COX7A2: variants seen among roughly 807,000 people sequenced by gnomAD.
COX7A2 encodes the protein cytochrome c oxidase subunit 7A2.
Under a neutral mutation model 11.6 loss-of-function variants are expected in COX7A2, and 11 were observed. The observed-to-expected ratio is 0.95, with a 90% CI of 0.60 to 1.57. The LOEUF (loss-of-function observed/expected upper bound fraction) is 1.57. COX7A2 is among the 40% of genes most tolerant of loss of function. The pLI is 0.00. For synonymous variants in COX7A2, 30 were observed against 38.2 expected, an observed-to-expected ratio of 0.78 and a Z score of 0.79; for missense variants, 106 against 100.9, an observed-to-expected ratio of 1.05 and a Z score of -0.22.
At chr6:75,242,438 G>A (rs965548436) in intron 1 of COX7A2, among the ~76,000 whole-genome samples, 11 of 151,868 alleles carry the variant, frequency 7.2e-5, no homozygotes, top group African/African-American at 1.2e-4. Context: ...TCCAGGAGGC[G>A]GGGTTTGCAG....
At chr6:75,240,572 T>C (rs1771468631) in intron 2 of COX7A2, 187 bp from the exon 3 acceptor site, 1 of 475,418 alleles carries the variant, frequency 2.1e-6, no homozygotes, top group South Asian at 3.8e-5. Flanking sequence ...ACTTTTAAAA[T>C]AAGAATTCCT....
At chr6:75,242,310 G>A (rs966039744) in intron 1 of COX7A2, among the ~76,000 whole-genome samples, 18 of 151,870 alleles carry the variant, frequency 1.2e-4, no homozygotes, top group African/African-American at 4.4e-4. Context: ...TTCAAGACCC[G>A]GCCTAGCCAA....
chr6:75,248,034 C>T (rs1400392283), upstream of COX7A2, among the ~76,000 whole-genome samples: 1 of 151,784 alleles, frequency 6.6e-6, no homozygotes, highest in East Asian at 1.9e-4. Context: ...CTGCAGTCCG[C>T]TGAGAGTTTC....
chr6:75,244,365 A>G (rs567048859), upstream of COX7A2, among the ~76,000 whole-genome samples: 6 of 152,172 alleles, frequency 3.9e-5, no homozygotes, highest in Non-Finnish European at 8.8e-5. Flanking sequence ...CCAAGCAAGA[A>G]GTTCTTCCAC....
At chr6:75,245,947 T>G (rs1367360502), upstream of COX7A2, among the ~76,000 whole-genome samples, 1 of 152,234 alleles carries the variant, frequency 6.6e-6, no homozygotes. Flanking sequence ...ATAGTACTCC[T>G]TCGGTGGTTC....
At chr6:75,243,596 C>A in intron 1 of COX7A2, 121 bp downstream of exon 1, 1 of 843,578 alleles carries the variant, frequency 1.2e-6, no homozygotes, top group Non-Finnish European at 1.9e-6. Context: ...GGACACGAAT[C>A]AAGGTGACTT....
intron 2 of COX7A2, chr6:75,240,872 AT>A (rs3215930): frequency 0.86 from 183,176 of 214,206 alleles, 79,482 homozygotes; most frequent in Non-Finnish European, 0.93. Context: ...AAAGTATTGT[AT>A]TTTTAGGTAT....
At position 75,240,392 on chromosome 6, in the gene COX7A2, TTA is replaced by T. The variant is rs1562368668; in HGVS notation, c.109-9_109-8del. The T allele has an allele frequency of 5.7e-6, 8 of 1,400,598 alleles. No individual in the cohort carries two copies. The highest frequency in any genetic ancestry group is 7.5e-6 in the Non-Finnish European group (8 of 1,068,168). The allele number at this position is 1,400,598 out of a possible 1,614,324, so 86.8% of individuals were successfully genotyped here. On this transcript the variant is annotated splice_polypyrimidine_tract_variant and splice_region_variant and intron_variant, in intron 2 of 3. Coordinates refer to ENST00000684430, the MANE Select transcript of COX7A2 (RefSeq NM_001366293.2). ...GTGGAATTTCATCATCCTCCTAGAT[TTA>T]AAAAAAAAAAAAAAAGACAATAATA...
chr6:75,242,175 G>A (rs1771523146), intron 1 of COX7A2, among the ~76,000 whole-genome samples: 1 of 151,620 alleles, frequency 6.6e-6, no homozygotes, highest in Non-Finnish European at 1.5e-5. Context: ...ACTACAGACT[G>A]GGCAAAAAGA....
At chr6:75,249,025 A>G (rs1771739196) in intron 1 of COX7A2, among the ~76,000 whole-genome samples, 1 of 152,188 alleles carries the variant, frequency 6.6e-6, no homozygotes, top group South Asian at 2.1e-4. Context: ...TGGGAGGCCG[A>G]GGCGGGCAGA....
upstream of COX7A2, among the ~76,000 whole-genome samples, chr6:75,244,863 C>T (rs540106343): frequency 3.0e-4 from 45 of 152,236 alleles, no homozygotes; most frequent in African/African-American, 8.2e-4. Context: ...TTATAAACAC[C>T]CCAATTCATG....
intron 2 of COX7A2, 53 bp downstream of exon 2, chr6:75,241,123 C>T (rs1331594727): frequency 1.3e-6 from 2 of 1,559,610 alleles, no homozygotes; most frequent in Admixed American, 1.7e-5. Flanking sequence ...CAACTCTTAC[C>T]TTTTGGTAAT....
upstream of COX7A2, among the ~76,000 whole-genome samples, chr6:75,246,524 A>G (rs1771685245): frequency 1.3e-5 from 2 of 152,136 alleles, no homozygotes; most frequent in Non-Finnish European, 2.9e-5. Context: ...TCTTCCACAC[A>G]GCAATGATTC....
chr6:75,250,062 G>A (rs1054467788), exon 1 of COX7A2: 2 of 152,166 alleles, frequency 1.3e-5, no homozygotes, highest in African/African-American at 4.8e-5. Flanking sequence ...TTACCTCAAG[G>A]TGGTTGGCTA....
chr6:75,246,356 A>C (rs888626276), upstream of COX7A2, among the ~76,000 whole-genome samples: 2 of 152,220 alleles, frequency 1.3e-5, no homozygotes, highest in African/African-American at 2.4e-5. Flanking sequence ...AATTTATTAA[A>C]AATTTCTATT....
chr6:75,237,907 A>G lies in COX7A2; in HGVS notation c.*23T>C. ...TAGAGAGCTGAATGAAACTGAACCA[A>G]GCGATTGCTGGGATGACTGAAGTCA... On this transcript the variant is annotated 3_prime_UTR_variant, in exon 4 of 4. Coordinates refer to ENST00000684430, the MANE Select transcript of COX7A2 (RefSeq NM_001366293.2). 1.2e-6 allele frequency: 2 copies of G among 1,600,992 alleles called. No homozygotes were observed. The highest frequency in any genetic ancestry group is 1.7e-6 in the Non-Finnish European group (2 of 1,169,786).
upstream of COX7A2, chr6:75,243,953 T>C: frequency 1.2e-6 from 1 of 824,712 alleles, no homozygotes; most frequent in Non-Finnish European, 1.9e-6. Context: ...CTCAGTCCCG[T>C]GATCTCGTTC....
intron 1 of COX7A2, among the ~76,000 whole-genome samples, chr6:75,242,904 A>AGACT (rs1167299182): frequency 2.0e-5 from 3 of 152,200 alleles, no homozygotes; most frequent in Non-Finnish European, 4.4e-5. Context: ...GACAGCAAAT[A>AGACT]GACTGGCATG....
chr6:75,238,326 G>T (rs1203215), intron 3 of COX7A2, among the ~76,000 whole-genome samples: 133,140 of 151,826 alleles, frequency 0.88, 58,777 homozygotes, highest in Non-Finnish European at 0.93. Flanking sequence ...AAGAAAAAAA[G>T]AGTTCAAAAT....
Sources: gnomAD v4.1 joint callset for allele counts (sites outside exome capture counted in the v4.1 genomes callset) on GRCh38, gnomAD v4.1.1 for gene constraint, MANE v1.5 for transcripts, NCBI Gene and HGNC (gene_info 2026-07-23, HGNC 2026-07-21) for gene names.